The following RAD51B variants were observed in gnomAD, a reference collection of about 807,000 sequenced individuals.
RAD51B encodes RAD51 paralog B.
Under a neutral mutation model 42.2 loss-of-function variants are expected in RAD51B, and 38 were observed. The ratio of observed to expected loss-of-function variants is 0.90; its 90% CI spans 0.70 to 1.18. The LOEUF is 1.18. Ranked by LOEUF, RAD51B falls within the 50% of genes most tolerant of loss-of-function variation. RAD51B has a pLI of 0.00. For synonymous variants in RAD51B, 154 were observed against 145.2 expected (o/e 1.06, Z -0.43); for missense variants, 373 against 400.7 (o/e 0.93, Z 0.59).
intron 10 of RAD51B, among the ~76,000 whole-genome samples, chr14:68,617,629 G>T (rs1595030665): frequency 1.3e-5 from 2 of 152,234 alleles, no homozygotes; most frequent in East Asian, 3.9e-4. Flanking sequence ...AACTTAACAA[G>T]ACTACCATAC....
intron 7 of RAD51B, among the ~76,000 whole-genome samples, chr14:68,108,933 A>G (rs1223834799): frequency 6.6e-6 from 1 of 151,826 alleles, no homozygotes. Context: ...AGGATCTTCA[A>G]TTTTCATTAT....
chr14:67,965,289 G>A (rs2074748555), intron 7 of RAD51B, among the ~76,000 whole-genome samples: 1 of 152,116 alleles, frequency 6.6e-6, no homozygotes, highest in Admixed American at 6.5e-5. Context: ...CTGTCAACAA[G>A]TCCTGTTTCT....
At chr14:68,106,274 T>A (rs2140567399) in intron 7 of RAD51B, among the ~76,000 whole-genome samples, 1 of 149,752 alleles carries the variant, frequency 6.7e-6, no homozygotes, top group Non-Finnish European at 1.5e-5. Context: ...CATTTCTACT[T>A]TTGTTTCTTA....
At chr14:68,273,416 T>C (rs1055227559) in intron 7 of RAD51B, among the ~76,000 whole-genome samples, 1 of 152,344 alleles carries the variant, frequency 6.6e-6, no homozygotes, top group Admixed American at 6.5e-5. Flanking sequence ...GATCCTACAG[T>C]GTAAAATTAA....
rs1566711572 is a variant in RAD51B at position 68,183,676 on chromosome 14, GAT to G, written c.757-108207_757-108206del. Among the ~76,000 whole-genome samples, 433 of 152,250 alleles carry G rather than the reference GAT, an allele frequency of 2.8e-3. 2 individuals are homozygous for G. The highest frequency in any genetic ancestry group is 1.0e-2 in the African/African-American group (415 of 41,554). ...ATTGTTTCAGAGTTGGGCTAGGCAC[GAT>G]GGTTCACACCTGTAATCCCAGCACG... On this transcript the variant is annotated intron_variant, in intron 7 of 10. Coordinates refer to ENST00000471583, the MANE Select transcript of RAD51B (RefSeq NM_133510.4).
chr14:68,456,974 A>C (rs903321976), intron 9 of RAD51B, among the ~76,000 whole-genome samples: 2 of 128,596 alleles, frequency 1.6e-5, no homozygotes, highest in African/African-American at 6.0e-5. Flanking sequence ...GTGCAGTAGC[A>C]CGATCTTGGC....
chr14:68,589,590 G>T (rs540803296), intron 10 of RAD51B, among the ~76,000 whole-genome samples: 1 of 152,174 alleles, frequency 6.6e-6, no homozygotes, highest in African/African-American at 2.4e-5. Flanking sequence ...TCCTTTGCAC[G>T]TATGCTGGTC....
At chr14:68,553,929 G>C (rs1888702867) in intron 10 of RAD51B, among the ~76,000 whole-genome samples, 1 of 152,168 alleles carries the variant, frequency 6.6e-6, no homozygotes, top group Non-Finnish European at 1.5e-5. Flanking sequence ...TGGCTTTACA[G>C]ACCCAACATG....
intron 10 of RAD51B, among the ~76,000 whole-genome samples, chr14:68,553,916 AAATGGCTTTACAGACCC>A (rs1799967279): frequency 6.6e-6 from 1 of 152,248 alleles, no homozygotes; most frequent in South Asian, 2.1e-4. Context: ...TTGTCTACTA[AAATGGCTTTACAGACCC>A]AACATGAGCT....
chr14:68,517,386 G>A (rs763826848), intron 10 of RAD51B, among the ~76,000 whole-genome samples: 3 of 152,146 alleles, frequency 2.0e-5, no homozygotes, highest in Admixed American at 6.6e-5. Context: ...TATTCCCCCT[G>A]TAAGTTTGTA....
chr14:68,558,974 CAT>C (rs1889001620), intron 10 of RAD51B, among the ~76,000 whole-genome samples: 1 of 151,624 alleles, frequency 6.6e-6, no homozygotes, highest in East Asian at 1.9e-4. Flanking sequence ...CATATAGTGT[CAT>C]ATACACACAA....
At chr14:68,497,268 T>C in intron 10 of RAD51B, 7 of 1,338,288 alleles carry the variant, frequency 5.2e-6, no homozygotes, top group Non-Finnish European at 5.9e-6. Context: ...ATTTGGTTGC[T>C]ACTGTGTAGA....
chr14:67,910,815 ATT>A (rs575568902), intron 7 of RAD51B, among the ~76,000 whole-genome samples: 5 of 144,444 alleles, frequency 3.5e-5, no homozygotes, highest in Non-Finnish European at 4.6e-5. Flanking sequence ...GCCCAATGTC[ATT>A]TTTTTTTTTT....
In RAD51B at chr14:68,284,758, GT is replaced by G. The variant is rs1030355894; in HGVS notation, c.757-7114del. On this transcript the variant is annotated intron_variant, in intron 7 of 10. Coordinates refer to ENST00000471583, the MANE Select transcript of RAD51B (RefSeq NM_133510.4). Reference sequence around the variant, plus strand: ...AGCTAAGATAAAAGTTTATTTTTGTGTTTTTTTTTTTTAATCGTGGAATGAT... The same window carrying G: ...AGCTAAGATAAAAGTTTATTTTTGTGTTTTTTTTTTTAATCGTGGAATGAT... 8.0e-3 allele frequency among the ~76,000 whole-genome samples: 1,150 copies of G among 144,310 alleles called. 10 individuals carry two copies. The highest frequency in any genetic ancestry group is 0.024 in the African/African-American group (951 of 39,570). The allele number at this position is 144,310 out of a possible 152,430, so 94.7% of individuals were successfully genotyped here.
At position 68,530,446 on chromosome 14, in the gene RAD51B, C is replaced by CAAAAAAAAAAAAAA. The variant is rs35454756; in HGVS notation, c.1036+62206_1036+62219dup. On this transcript the variant is annotated intron_variant, in intron 10 of 10. Coordinates refer to the RAD51B transcript ENST00000487270. ...TGGGCAACAGAGAAAGACCCTGTCTCAAAAAAAAAAAAAAAAAAAAAAAGA... is the reference window on the plus strand; with the variant it reads ...TGGGCAACAGAGAAAGACCCTGTCTCAAAAAAAAAAAAAAAAAAAAAAAAAAAAAAAAAAAAAGA... Among the ~76,000 whole-genome samples the CAAAAAAAAAAAAAA allele has an allele frequency of 6.3e-4, 43 of 67,836 alleles. 1 individual carries two copies. The highest frequency in any genetic ancestry group is 8.5e-4 in the Non-Finnish European group (30 of 35,164). The allele number at this position is 67,836 out of a possible 152,430, so 44.5% of individuals were successfully genotyped here.
chr14:68,575,670 T>G lies in RAD51B; in HGVS notation c.1037-18815T>G, dbSNP rs1431072304. Among the ~76,000 whole-genome samples, 6 of 152,320 alleles carry G rather than the reference T, an allele frequency of 3.9e-5. No individual in the cohort carries two copies. In the East Asian group the frequency reaches 9.6e-4, roughly 24 times the overall value. On this transcript the variant is annotated intron_variant, in intron 10 of 10. Transcript: ENST00000487270. ...TCAGCAACTCCCAGGGCCCCTGACC[T>G]GTTCATTCTAGAAGCTTCAGGAGCA...
At chr14:68,424,373 TG>T (rs2084782485) in intron 9 of RAD51B, among the ~76,000 whole-genome samples, 1 of 152,218 alleles carries the variant, frequency 6.6e-6, no homozygotes, top group Non-Finnish European at 1.5e-5. Flanking sequence ...TACTATGTTT[TG>T]TTTTTGGTTT....
chr14:68,428,713 A>G (rs1166542573), intron 9 of RAD51B, among the ~76,000 whole-genome samples: 1 of 1,046 alleles, frequency 9.6e-4, no homozygotes, highest in African/African-American at 1.8e-3. Context: ...TTCTTTATAT[A>G]TATATATATA....
At chr14:68,404,900 G>T (rs1024299551) in intron 8 of RAD51B, among the ~76,000 whole-genome samples, 1 of 152,156 alleles carries the variant, frequency 6.6e-6, no homozygotes, top group Admixed American at 6.6e-5. Flanking sequence ...ACTTCCATCG[G>T]TATCCTCCCA....
Sources: gnomAD v4.1 joint callset for allele counts (sites outside exome capture counted in the v4.1 genomes callset) on GRCh38, gnomAD v4.1.1 for gene constraint, MANE v1.5 for transcripts, NCBI Gene and HGNC (gene_info 2026-07-23, HGNC 2026-07-21) for gene names.